Variants in PPFIA2 observed in about 807,000 individuals in gnomAD.
The protein encoded by PPFIA2 is PPFI scaffold protein A2, also known as liprin-alpha-2.
Under a neutral mutation model 175.5 loss-of-function variants are expected in PPFIA2, and 46 were observed. The ratio of observed to expected loss-of-function variants is 0.26; its 90% CI spans 0.21 to 0.34. PPFIA2 has a LOEUF of 0.34. Among genes scored for constraint, PPFIA2 ranks in the 10% least tolerant of loss-of-function variants. The probability of loss-of-function intolerance (pLI) is 1.00; values close to 1 mark genes in which losing one functional copy is unlikely to be tolerated. For synonymous variants in PPFIA2, 568 were observed against 511.4 expected (o/e 1.11, Z -1.49); for missense variants, 1,179 against 1,506.1 (o/e 0.78, Z 3.60).
At chr12:81,351,061 T>C (rs61934722) in intron 17 of PPFIA2, among the ~76,000 whole-genome samples, 13,835 of 152,208 alleles carry the variant, frequency 0.091, 825 homozygotes, top group Non-Finnish European at 0.13. Context: ...GCTGATGTCA[T>C]TGGAATTCAA....
chr12:81,333,474 A>G (rs1255882533), intron 21 of PPFIA2, among the ~76,000 whole-genome samples: 3 of 152,156 alleles, frequency 2.0e-5, no homozygotes, highest in South Asian at 4.1e-4. Context: ...TGTGCCTTTA[A>G]AAGTACAGTA....
At chr12:81,369,406 G>C in intron 11 of PPFIA2, 1 of 1,397,500 alleles carries the variant, frequency 7.2e-7, no homozygotes, top group Non-Finnish European at 9.3e-7. Flanking sequence ...CAAAACATTG[G>C]AGTTATTTAT....
rs568149586 is a variant in PPFIA2, at chr12:81,690,699, A to C, written c.250-13855T>G. 5.5e-4 allele frequency among the ~76,000 whole-genome samples: 84 copies of C among 152,284 alleles called. 3 individuals are homozygous for C. The South Asian group carries it at 0.016, about 30-fold the overall frequency. ...CTTCTGTAATGAATTTCCACAAATTAGTGACTTAAAATAACACAAATTTAT... is the reference window on the plus strand; with the variant it reads ...CTTCTGTAATGAATTTCCACAAATTCGTGACTTAAAATAACACAAATTTAT... On this transcript the variant is annotated intron_variant, in intron 3 of 32. Coordinates refer to ENST00000549396, the MANE Select transcript of PPFIA2 (RefSeq NM_003625.5).
chr12:81,757,843 A>G (rs2084924345), intron 2 of PPFIA2, among the ~76,000 whole-genome samples: 1 of 152,204 alleles, frequency 6.6e-6, no homozygotes, highest in Admixed American at 6.5e-5. Context: ...GCCCTACTAG[A>G]GGTAAGAATG....
chr12:81,372,168 T>C (rs145981651), intron 11 of PPFIA2, among the ~76,000 whole-genome samples: 2 of 151,894 alleles, frequency 1.3e-5, no homozygotes, highest in Non-Finnish European at 2.9e-5. Flanking sequence ...TTTCACTCCT[T>C]AATATGATAT....
chr12:81,326,482 G>GT (rs1487730743), intron 21 of PPFIA2, among the ~76,000 whole-genome samples: 4 of 151,914 alleles, frequency 2.6e-5, no homozygotes, highest in African/African-American at 9.7e-5. Flanking sequence ...TTCTTGTGTT[G>GT]TTTTTTAAAC....
intron 4 of PPFIA2, among the ~76,000 whole-genome samples, chr12:81,643,945 T>C (rs878906669): frequency 6.6e-6 from 1 of 151,882 alleles, no homozygotes; most frequent in South Asian, 2.1e-4. Context: ...GCAACAAACT[T>C]TTCCCCAATT....
chr12:81,528,678 T>C (rs901005118), intron 4 of PPFIA2, among the ~76,000 whole-genome samples: 1 of 151,938 alleles, frequency 6.6e-6, no homozygotes, highest in Non-Finnish European at 1.5e-5. Flanking sequence ...TTAGAAACAA[T>C]CTACAAATGT....
intron 4 of PPFIA2, among the ~76,000 whole-genome samples, chr12:81,476,966 C>T (rs1486768839): frequency 6.6e-6 from 1 of 152,008 alleles, no homozygotes; most frequent in Non-Finnish European, 1.5e-5. Context: ...GAACAGAAAA[C>T]CAAACACTAC....
chr12:81,299,843 C>A (rs1368214465), intron 22 of PPFIA2, among the ~76,000 whole-genome samples: 1 of 152,064 alleles, frequency 6.6e-6, no homozygotes, highest in Admixed American at 6.6e-5. Context: ...TAGTCACATT[C>A]TAGTGATGTG....
intron 4 of PPFIA2, among the ~76,000 whole-genome samples, chr12:81,539,027 G>A (rs115639494): frequency 3.8e-4 from 58 of 152,058 alleles, no homozygotes; most frequent in African/African-American, 1.4e-3. Context: ...TAGAGGTGGC[G>A]AAATGTGGTC....
At chr12:81,263,452 C>T in intron 30 of PPFIA2, 62 bp from the exon 31 acceptor site, 1 of 1,441,964 alleles carries the variant, frequency 6.9e-7, no homozygotes, top group Non-Finnish European at 9.6e-7. Context: ...GTGCTTAAAG[C>T]TCTGTGCTTA....
chr12:81,628,744 T>C (rs894452402), intron 4 of PPFIA2, among the ~76,000 whole-genome samples: 1 of 152,150 alleles, frequency 6.6e-6, no homozygotes, highest in African/African-American at 2.4e-5. Context: ...CAATAGCTCC[T>C]TTCTCTTTTT....
chr12:81,648,138 A>G (rs2066453837), intron 4 of PPFIA2, among the ~76,000 whole-genome samples: 1 of 151,552 alleles, frequency 6.6e-6, no homozygotes, highest in African/African-American at 2.4e-5. Flanking sequence ...AAATCAATGT[A>G]TACAATTCAC....
chr12:81,426,650 C>A (rs1311363296), intron 7 of PPFIA2, among the ~76,000 whole-genome samples: 1 of 151,714 alleles, frequency 6.6e-6, no homozygotes, highest in Non-Finnish European at 1.5e-5. Context: ...TAATGTATAT[C>A]TTTTTCATCC....
intron 4 of PPFIA2, among the ~76,000 whole-genome samples, chr12:81,504,922 C>T (rs189714094): frequency 4.6e-5 from 7 of 152,218 alleles, no homozygotes; most frequent in Admixed American, 4.6e-4. Context: ...CATGTTCTCA[C>T]TCATAAGTGG....
intron 7 of PPFIA2, among the ~76,000 whole-genome samples, chr12:81,419,367 C>A (rs1206634752): frequency 3.9e-5 from 6 of 151,996 alleles, no homozygotes; most frequent in Admixed American, 3.9e-4. Context: ...AAAGTACTTA[C>A]AAGAGAACCT....
At chr12:81,502,645 G>T (rs2060706765) in intron 4 of PPFIA2, among the ~76,000 whole-genome samples, 1 of 152,176 alleles carries the variant, frequency 6.6e-6, no homozygotes, top group Admixed American at 6.6e-5. Context: ...TACCCACTAT[G>T]TGCTAGGAAC....
chr12:81,262,565 G>C (rs555353631), intron 31 of PPFIA2, among the ~76,000 whole-genome samples: 2 of 152,250 alleles, frequency 1.3e-5, no homozygotes, highest in South Asian at 2.1e-4. Context: ...AATAGCATGG[G>C]ACTATTTTTC....
Sources: gnomAD v4.1 joint callset for allele counts (sites outside exome capture counted in the v4.1 genomes callset) on GRCh38, gnomAD v4.1.1 for gene constraint, MANE v1.5 for transcripts, NCBI Gene and HGNC (gene_info 2026-07-23, HGNC 2026-07-21) for gene names.